The following AKAP13 variants were observed in gnomAD, a reference collection of about 807,000 sequenced individuals.
AKAP13 encodes A-kinase anchoring protein 13.
Under a neutral mutation model 264.5 loss-of-function variants are expected in AKAP13, and 80 were observed. The ratio of observed to expected loss-of-function variants is 0.30; its 90% CI spans 0.25 to 0.36. The LOEUF (loss-of-function observed/expected upper bound fraction) is 0.36. Among genes scored for constraint, AKAP13 ranks in the 10% least tolerant of loss-of-function variants. The pLI is 1.00. For synonymous variants in AKAP13, 1,380 were observed against 1,250.2 expected, an observed-to-expected ratio of 1.10 and a Z score of -2.19; for missense variants, 3,712 against 3,435.2, an observed-to-expected ratio of 1.08 and a Z score of -2.01.
At chr15:85,633,150 G>A (rs1205720480) in intron 8 of AKAP13, among the ~76,000 whole-genome samples, 1 of 152,174 alleles carries the variant, frequency 6.6e-6, no homozygotes, top group Non-Finnish European at 1.5e-5. Context: ...ACAGGCATGT[G>A]CCACCGCGCC....
intron 5 of AKAP13, among the ~76,000 whole-genome samples, chr15:85,573,572 A>AATAAATAAATATG (rs998963083): frequency 6.6e-6 from 1 of 151,840 alleles, no homozygotes; most frequent in African/African-American, 2.4e-5. Flanking sequence ...TAAATAAATA[A>AATAAATAAATATG]ATATGATATG....
chr15:85,725,055 G>A (rs2087530265), intron 26 of AKAP13, among the ~76,000 whole-genome samples: 3 of 152,162 alleles, frequency 2.0e-5, no homozygotes, highest in Admixed American at 2.0e-4. Flanking sequence ...TCCTAGAGCT[G>A]CTGTTGCCTG....
chr15:85,561,916 A>G (rs944741395), intron 5 of AKAP13, among the ~76,000 whole-genome samples: 2 of 152,180 alleles, frequency 1.3e-5, no homozygotes, highest in Non-Finnish European at 2.9e-5. Flanking sequence ...AAAATTATTT[A>G]TATTTTTAGT....
intron 1 of AKAP13, chr15:85,381,912 A>AC (rs2070300692): frequency 6.6e-6 from 1 of 152,188 alleles, no homozygotes; most frequent in Non-Finnish European, 1.5e-5. Context: ...ATGAGGACAA[A>AC]CGGTGCAGTT....
chr15:85,422,861 A>G lies in AKAP13; in HGVS notation c.-12+42063A>G, dbSNP rs964646991. Among the ~76,000 whole-genome samples, 7 of 152,228 alleles carry G rather than the reference A, an allele frequency of 4.6e-5. No individual in the cohort carries two copies. In the East Asian group the frequency reaches 1.3e-3, roughly 29 times the overall value. The stretch of plus-strand genomic sequence containing the variant: ...GAAGTGACCTATTTGAATATAGTAC[A>G]ATATTAATCTGCAGGCATGCTTCAG... On this transcript the variant is annotated intron_variant, in intron 1 of 36. Transcript: ENST00000394518.
At chr15:85,433,994 G>T (rs2073145618) in intron 1 of AKAP13, among the ~76,000 whole-genome samples, 1 of 151,868 alleles carries the variant, frequency 6.6e-6, no homozygotes, top group African/African-American at 2.4e-5. Context: ...AATAGGAACA[G>T]CTCCGGTCTA....
At chr15:85,699,631 A>G (rs1339589614) in intron 17 of AKAP13, among the ~76,000 whole-genome samples, 1 of 152,234 alleles carries the variant, frequency 6.6e-6, no homozygotes, top group Non-Finnish European at 1.5e-5. Context: ...CAAAATGTAA[A>G]TATTGGACCA....
chr15:85,573,259 A>G (rs1437089922), intron 5 of AKAP13, among the ~76,000 whole-genome samples: 2 of 152,096 alleles, frequency 1.3e-5, no homozygotes, highest in African/African-American at 4.8e-5. Flanking sequence ...TTACCAATCT[A>G]TTGTTTGCTT....
rs1252881148 is a variant in AKAP13 at position 85,653,525 on chromosome 15, G to A, written c.4375-1892G>A. On this transcript the variant is annotated intron_variant, in intron 10 of 36. Coordinates refer to ENST00000394518, the MANE Select transcript of AKAP13 (RefSeq NM_007200.5). ...TAGCTTATGAGATCAAGCCCAAAAG[G>A]TAGGAAGGGTGCTTTTAGAAGGTAG... Among the ~76,000 whole-genome samples, 4 of 152,106 alleles carry A rather than the reference G, an allele frequency of 2.6e-5. No individual in the cohort carries two copies. The East Asian group carries it at 7.7e-4, about 29-fold the overall frequency.
intron 5 of AKAP13, among the ~76,000 whole-genome samples, chr15:85,574,354 A>G (rs1319546491): frequency 6.6e-6 from 1 of 152,226 alleles, no homozygotes; most frequent in East Asian, 1.9e-4. Flanking sequence ...GGGCATGGGT[A>G]TGCCTTCTGG....
At chr15:85,595,300 A>G (rs557296744) in intron 8 of AKAP13, among the ~76,000 whole-genome samples, 39 of 151,946 alleles carry the variant, frequency 2.6e-4, no homozygotes, top group South Asian at 8.3e-4. Flanking sequence ...GGTCTCCACA[A>G]TGTTGCCCAG....
intron 1 of AKAP13, among the ~76,000 whole-genome samples, chr15:85,390,270 T>C (rs964412585): frequency 1.3e-5 from 2 of 152,178 alleles, no homozygotes; most frequent in African/African-American, 2.4e-5. Flanking sequence ...GTGATGATTC[T>C]AGGAAGGATA....
intron 5 of AKAP13, among the ~76,000 whole-genome samples, chr15:85,549,066 T>C (rs187269360): frequency 1.3e-5 from 2 of 152,330 alleles, no homozygotes; most frequent in East Asian, 1.9e-4. Flanking sequence ...AATGCCTATG[T>C]CAGTTTTTCA....
intron 8 of AKAP13, among the ~76,000 whole-genome samples, chr15:85,606,948 C>T (rs1055316886): frequency 7.9e-5 from 12 of 152,050 alleles, no homozygotes; most frequent in Admixed American, 7.2e-4. Flanking sequence ...GGGATTGTTT[C>T]GGGGACATTT....
At chr15:85,537,134 A>G (rs571387933) in intron 4 of AKAP13, 2 of 149,948 alleles carry the variant, frequency 1.3e-5, no homozygotes, top group African/African-American at 5.0e-5. Context: ...AAATTGTTCT[A>G]TTAATTGATG....
chr15:85,446,651 G>A (rs1403005367), intron 1 of AKAP13, among the ~76,000 whole-genome samples: 1 of 152,042 alleles, frequency 6.6e-6, no homozygotes, highest in East Asian at 1.9e-4. Context: ...TAGCTGGTCT[G>A]GCCAAGTAAA....
intron 5 of AKAP13, among the ~76,000 whole-genome samples, chr15:85,548,801 G>T (rs973130501): frequency 1.3e-5 from 2 of 151,888 alleles, no homozygotes; most frequent in African/African-American, 4.8e-5. Context: ...AGAGATTGGA[G>T]AATTGTAGTT....
chr15:85,390,512 C>T (rs2070802933), intron 1 of AKAP13, among the ~76,000 whole-genome samples: 1 of 152,102 alleles, frequency 6.6e-6, no homozygotes, highest in African/African-American at 2.4e-5. Flanking sequence ...TAGCCAGAGA[C>T]CAGATCAAAT....
chr15:85,511,094 C>G (rs897717109), intron 2 of AKAP13, among the ~76,000 whole-genome samples: 2 of 152,144 alleles, frequency 1.3e-5, no homozygotes, highest in East Asian at 1.9e-4. Context: ...TCAGACGTCT[C>G]TCTTCCATTG....
Sources: allele counts gnomAD v4.1 joint callset (sites outside exome capture counted in the v4.1 genomes callset), GRCh38; gene constraint gnomAD v4.1.1; transcripts MANE v1.5; gene names NCBI Gene and HGNC (gene_info 2026-07-23, HGNC 2026-07-21).